RBCK1: variants seen among roughly 807,000 people sequenced by gnomAD.
RBCK1 encodes RANBP2-type and C3HC4-type zinc finger containing 1.
In RBCK1, 44 loss-of-function variants were observed where a neutral mutation model predicts 71.1. The ratio of observed to expected loss-of-function variants is 0.62; its 90% CI spans 0.49 to 0.80. The LOEUF (loss-of-function observed/expected upper bound fraction) is 0.80. RBCK1 is among the 30% of genes least tolerant of loss of function. The pLI is 0.00. For synonymous variants in RBCK1, 306 were observed against 279.7 expected (o/e 1.09, Z -0.94); for missense variants, 569 against 685.0 (o/e 0.83, Z 1.89).
chr20:410,611 T>C (rs751901388), intron 2 of RBCK1: 11 of 772,814 alleles, frequency 1.4e-5, no homozygotes, highest in Non-Finnish European at 2.2e-5. Flanking sequence ...AGCCAAGATA[T>C]TCAGCTAGAA....
intron 9 of RBCK1, among the ~76,000 whole-genome samples, chr20:427,809 T>A (rs973807130): frequency 1.3e-5 from 2 of 152,092 alleles, no homozygotes; most frequent in Non-Finnish European, 2.9e-5. Flanking sequence ...CCCATCCAAG[T>A]CCATAGACTT....
rs1354742102 is a variant in RBCK1, at chr20:431,499, C to T, written c.*1069C>T. On this transcript the variant is annotated 3_prime_UTR_variant, in exon 12 of 12. Coordinates refer to ENST00000356286, the MANE Select transcript of RBCK1 (RefSeq NM_031229.4). This position sits in a 1 kb window ranked among gnomAD's most constrained non-coding sequence, Gnocchi z 4.8. Reference sequence around the variant, plus strand: ...AGTCTTTCCTCCGCTCTGTGACCCACCCTCCTTCCCCTTTTGAGATCTGGT... The same window carrying T: ...AGTCTTTCCTCCGCTCTGTGACCCATCCTCCTTCCCCTTTTGAGATCTGGT... Among the ~76,000 whole-genome samples the T allele has an allele frequency of 6.6e-6, 1 of 152,208 alleles. No individual in the cohort carries two copies. Among genetic ancestry groups the T allele is most frequent in the Non-Finnish European group, 1.5e-5 (1 of 68,036 alleles).
intron 2 of RBCK1, among the ~76,000 whole-genome samples, chr20:411,131 T>C (rs936665687): frequency 6.6e-6 from 1 of 152,356 alleles, no homozygotes; most frequent in East Asian, 1.9e-4. Context: ...TCATGCAATA[T>C]GTGGCCTTTT....
rs1262388645 is a variant in RBCK1, at chr20:419,639, G to A, written c.664G>A (p.Glu222Lys). The change falls in exon 6 of 12, where the codon GAG (glutamate) becomes AAG (lysine). Residue 222 changes from glutamate (E) to lysine (K), a missense_variant. Around this residue, in one of 2 missense-constraint regions of RBCK1, gnomAD observed 358 missense variants for 375.6 expected, o/e 0.95. Coordinates refer to ENST00000356286, the MANE Select transcript of RBCK1 (RefSeq NM_031229.4). ...GCEMCCRARP[E>K]AYQVPASYQP... ...TGAGATGTGCTGCCGGGCGCGCCCCGAGGCCTACCAGGTCCCCGCCTCATA... is the reference window on the plus strand; with the variant it reads ...TGAGATGTGCTGCCGGGCGCGCCCCAAGGCCTACCAGGTCCCCGCCTCATA... The A allele has an allele frequency of 4.4e-6, 7 of 1,588,280 alleles. No homozygotes were observed. The highest frequency in any genetic ancestry group is 4.6e-5 in the East Asian group (2 of 43,690).
Position 422,048 on chromosome 20 carries a change from G to C in RBCK1, c.918-79G>C. On this transcript the variant is annotated intron_variant, in intron 7 of 11. Coordinates refer to ENST00000356286, the MANE Select transcript of RBCK1 (RefSeq NM_031229.4). The surrounding 1 kb of genome is among the most constrained non-coding windows in gnomAD (Gnocchi z 5.0). The stretch of plus-strand genomic sequence containing the variant: ...TGACTGAGTGAGGCCCCTGGGGTCA[G>C]GCCTTGCCATGTGAGGGATGGAGTC... 1 of 1,139,884 alleles carries C rather than the reference G, an allele frequency of 8.8e-7. No individual in the cohort carries two copies. Among genetic ancestry groups the C allele is most frequent in the Non-Finnish European group, 1.3e-6 (1 of 773,534 alleles). The allele number at this position is 1,139,884 out of a possible 1,614,324, so 70.6% of individuals were successfully genotyped here.
intron 8 of RBCK1, among the ~76,000 whole-genome samples, chr20:425,385 G>T (rs1469255374): frequency 6.6e-6 from 1 of 152,200 alleles, no homozygotes; most frequent in East Asian, 1.9e-4. Flanking sequence ...TAAGTATGCA[G>T]TCAGGTAAAT....
rs1320393060 is a variant in RBCK1 at position 417,024 on chromosome 20, C to T, written c.168-502C>T. 6.6e-6 allele frequency among the ~76,000 whole-genome samples: 1 copy of T among 152,184 alleles called. No homozygotes were observed. Among genetic ancestry groups the T allele is most frequent in the Non-Finnish European group, 1.5e-5 (1 of 68,040 alleles). On this transcript the variant is annotated intron_variant, in intron 2 of 11. Coordinates refer to ENST00000356286, the MANE Select transcript of RBCK1 (RefSeq NM_031229.4). The surrounding 1 kb of genome is among the most constrained non-coding windows in gnomAD (Gnocchi z 4.7). ...ATCAAGACATACAAATGAATCCTGCCTCTAACAGTTATTAGTTGCTTAGTT... is the reference window on the plus strand; with the variant it reads ...ATCAAGACATACAAATGAATCCTGCTTCTAACAGTTATTAGTTGCTTAGTT...
Position 428,922 on chromosome 20 carries a change from C to T in RBCK1, c.1309-29C>T, listed in dbSNP as rs1416869958. 1 of 1,586,394 alleles carries T rather than the reference C, an allele frequency of 6.3e-7. No homozygotes were observed. Among genetic ancestry groups the T allele is most frequent in the Non-Finnish European group, 8.5e-7 (1 of 1,170,436 alleles). On this transcript the variant is annotated intron_variant, in intron 10 of 11. Coordinates refer to ENST00000356286, the MANE Select transcript of RBCK1 (RefSeq NM_031229.4). This position sits in a 1 kb window ranked among gnomAD's most constrained non-coding sequence, Gnocchi z 5.7. ...AGGCTGGGTGACTGCCCCAGCCCCGCCCCAGGGCCAGCACCTGCCCCACTC... is the reference window on the plus strand; with the variant it reads ...AGGCTGGGTGACTGCCCCAGCCCCGTCCCAGGGCCAGCACCTGCCCCACTC...
In RBCK1 at chr20:420,937, C is replaced by G; in HGVS notation, c.823C>G (p.Leu275Val). 6.4e-7 allele frequency: 1 copy of G among 1,555,386 alleles called. No homozygotes were observed. The highest frequency in any genetic ancestry group is 8.7e-7 in the Non-Finnish European group (1 of 1,151,070). The change falls in exon 7 of 12, where the codon CTG becomes GTG. Residue 275 changes from leucine (L) to valine (V), a missense_variant. Leu to Val is a conservative substitution (Grantham distance 32, BLOSUM62 1). Coordinates refer to ENST00000356286, the MANE Select transcript of RBCK1 (RefSeq NM_031229.4). ...HVQLDQRSLV[L>V]NTEPAECPVC... ...CCAGCTGGACCAGAGGAGCCTGGTG[C>G]TGAACACGGAGCCCGCCGAGTGCCC...
At position 408,730 on chromosome 20, in the gene RBCK1, C is replaced by A. The variant is rs909952822; in HGVS notation, c.-28C>A. 1 of 1,612,228 alleles carries A rather than the reference C, an allele frequency of 6.2e-7. No individual in the cohort carries two copies. ...GCATTTCCCAGGAGGCACGGTCCCCCCCAGGGGGATGGGCACAGCCACGCC... is the reference window on the plus strand; with the variant it reads ...GCATTTCCCAGGAGGCACGGTCCCCACCAGGGGGATGGGCACAGCCACGCC... On this transcript the variant is annotated 5_prime_UTR_variant, in exon 1 of 12. Coordinates refer to ENST00000356286, the MANE Select transcript of RBCK1 (RefSeq NM_031229.4).
intron 2 of RBCK1, among the ~76,000 whole-genome samples, chr20:416,697 G>A (rs2016011744): frequency 6.6e-6 from 1 of 152,192 alleles, no homozygotes; most frequent in Non-Finnish European, 1.5e-5. Context: ...ATAATACCAT[G>A]TAGATTTAAA....
intron 8 of RBCK1, among the ~76,000 whole-genome samples, chr20:424,485 C>A (rs2016600023): frequency 6.6e-6 from 1 of 152,180 alleles, no homozygotes; most frequent in Non-Finnish European, 1.5e-5. Flanking sequence ...ATGCTCCCAA[C>A]TTCACCAAGT....
intron 8 of RBCK1, 85 bp from the exon 9 acceptor site, chr20:427,228 G>C: frequency 7.2e-7 from 1 of 1,379,428 alleles, no homozygotes; most frequent in Non-Finnish European, 9.9e-7. Context: ...TCTGGGCTGG[G>C]GGCTTTCTGG....
intron 2 of RBCK1, among the ~76,000 whole-genome samples, chr20:415,498 A>G (rs979945008): frequency 2.0e-5 from 3 of 152,114 alleles, no homozygotes; most frequent in African/African-American, 7.2e-5. Flanking sequence ...GCTTTTTACA[A>G]TTGGTTTCTT....
rs1041797671 is a variant in RBCK1 at position 431,911 on chromosome 20, C to G, written c.*1481C>G. Reference sequence around the variant, plus strand: ...TGCAGGCGTGTGGATGGGACCAGCTCAGGCAGACGCTGTCTCATACCCACT... The same window carrying G: ...TGCAGGCGTGTGGATGGGACCAGCTGAGGCAGACGCTGTCTCATACCCACT... On this transcript the variant is annotated 3_prime_UTR_variant, in exon 12 of 12. Coordinates refer to ENST00000356286, the MANE Select transcript of RBCK1 (RefSeq NM_031229.4). This position sits in a 1 kb window ranked among gnomAD's most constrained non-coding sequence, Gnocchi z 4.8. Among the ~76,000 whole-genome samples, 1 of 152,168 alleles carries G rather than the reference C, an allele frequency of 6.6e-6. No individual in the cohort carries two copies. The highest frequency in any genetic ancestry group is 6.5e-5 in the Admixed American group (1 of 15,270).
rs2016051112 is a variant in RBCK1 at position 417,331 on chromosome 20, G to A, written c.168-195G>A. The A allele has an allele frequency of 1.4e-6, 1 of 731,460 alleles. No individual in the cohort carries two copies. The allele number at this position is 731,460 out of a possible 1,614,324, so 45.3% of individuals were successfully genotyped here. On this transcript the variant is annotated intron_variant, in intron 2 of 11. Transcript: ENST00000356286. This position sits in a 1 kb window ranked among gnomAD's most constrained non-coding sequence, Gnocchi z 4.7. ...CTAAGAGTAGCGTGGAGCCATTGGA[G>A]GGGCCTAACTGGTGGGTTCTAATAA...
chr20:420,817 C>G, intron 6 of RBCK1, 54 bp from the exon 7 acceptor site: 1 of 1,505,884 alleles, frequency 6.6e-7, no homozygotes, highest in South Asian at 1.2e-5. Context: ...CCTTCGGGGT[C>G]TGACCCGCCC....
intron 2 of RBCK1, among the ~76,000 whole-genome samples, chr20:411,181 A>G (rs945419812): frequency 2.6e-5 from 4 of 151,330 alleles, no homozygotes; most frequent in African/African-American, 9.7e-5. Context: ...TTCGAGATTC[A>G]TCCATGTTGT....
intron 4 of RBCK1, among the ~76,000 whole-genome samples, chr20:419,102 G>A (rs1568556845): frequency 1.3e-5 from 2 of 152,212 alleles, no homozygotes; most frequent in South Asian, 4.1e-4. Flanking sequence ...CAGGAGGCAC[G>A]GAAGGGCTGG....
Sources: allele counts gnomAD v4.1 joint callset (sites outside exome capture counted in the v4.1 genomes callset), GRCh38; gene constraint gnomAD v4.1.1; regional missense constraint gnomAD v4.1.1; non-coding constraint Gnocchi (gnomAD v3.1); transcripts MANE v1.5; gene names NCBI Gene and HGNC (gene_info 2026-07-23, HGNC 2026-07-21).